The following ARMC8 variants were observed in gnomAD, a reference collection of about 807,000 sequenced individuals.
ARMC8 encodes armadillo repeat containing 8.
A neutral mutation model predicts 99.3 loss-of-function variants in ARMC8; 20 were observed. The observed-to-expected ratio is 0.20, with a 90% CI of 0.14 to 0.29. The LOEUF (loss-of-function observed/expected upper bound fraction) is 0.29. Ranked by LOEUF, ARMC8 falls within the 10% of genes least tolerant of loss-of-function variation. The pLI is 1.00. For missense variants in ARMC8, 569 were observed against 809.5 expected (o/e 0.70, Z 3.60); for synonymous variants, 263 against 278.3 (o/e 0.95, Z 0.55).
intron 2 of ARMC8, among the ~76,000 whole-genome samples, chr3:138,215,996 G>A (rs776996009): frequency 2.7e-5 from 4 of 150,890 alleles, no homozygotes; most frequent in Non-Finnish European, 4.4e-5. Context: ...GAGTAGCTGG[G>A]ATTACAGCTA....
At chr3:138,240,345 T>C (rs537603125) in intron 10 of ARMC8, among the ~76,000 whole-genome samples, 3 of 152,334 alleles carry the variant, frequency 2.0e-5, no homozygotes, top group African/African-American at 7.2e-5. Context: ...ATATTTGCTT[T>C]AGTCTTTGGG....
rs562211298 is a variant in ARMC8, at chr3:138,200,146, A to C, written c.46-9671A>C. ...CACATGTAACTTTTAAAAAGTTGAT[A>C]TAATGCTCCAGCTGTAATAAAGGAG... On this transcript the variant is annotated intron_variant, in intron 1 of 21. Transcript: ENST00000469044. Among the ~76,000 whole-genome samples the C allele has an allele frequency of 3.8e-4, 58 of 152,336 alleles. No individual in the cohort carries two copies. In the Middle Eastern group the frequency reaches 0.024, roughly 63 times the overall value.
intron 5 of ARMC8, 165 bp from the exon 6 acceptor site, chr3:138,228,753 A>C: frequency 1.7e-6 from 1 of 581,474 alleles, no homozygotes; most frequent in South Asian, 1.5e-5. Flanking sequence ...TGGCCTAGAC[A>C]GTTTTCATGG....
chr3:138,223,524 A>G lies in ARMC8; in HGVS notation c.330A>G (p.Leu110=), dbSNP rs759475910. The G allele has an allele frequency of 1.2e-6, 2 of 1,614,054 alleles. No homozygotes were observed. The highest frequency in any genetic ancestry group is 1.7e-5 in the Admixed American group (1 of 60,000). Residue 110 remains leucine, a synonymous_variant, in exon 4 of 22, where the codon TTA becomes TTG. Coordinates refer to ENST00000469044, the MANE Select transcript of ARMC8 (RefSeq NM_001363941.2). The part of the protein sequence containing the change: ...SLLDCHIIPA[L]LQGLLSPDLK... ...TGGACTGCCATATTATCCCTGCCTT[A>G]TTGCAAGGTATGTAGGGAAGCCATT...
At chr3:138,272,330 G>A (rs778900829) in intron 16 of ARMC8, among the ~76,000 whole-genome samples, 7 of 152,162 alleles carry the variant, frequency 4.6e-5, no homozygotes, top group Non-Finnish European at 8.8e-5. Context: ...TAGTCATTTC[G>A]TGTACAGCAG....
At chr3:138,277,638 A>T (rs865990028) in intron 18 of ARMC8, among the ~76,000 whole-genome samples, 21 of 152,328 alleles carry the variant, frequency 1.4e-4, no homozygotes, top group Middle Eastern at 3.4e-3. Flanking sequence ...ATAGCTAAAA[A>T]TTTTTTTAAA....
intron 1 of ARMC8, among the ~76,000 whole-genome samples, chr3:138,208,302 CT>C (rs2044500889): frequency 6.6e-6 from 1 of 152,098 alleles, no homozygotes; most frequent in Non-Finnish European, 1.5e-5. Flanking sequence ...CCCATCTCTA[CT>C]AAAAATACAA....
intron 6 of ARMC8, among the ~76,000 whole-genome samples, chr3:138,234,168 C>T (rs186119361): frequency 9.6e-4 from 145 of 151,790 alleles, no homozygotes; most frequent in African/African-American, 3.3e-3. Context: ...TGCAGTGGTA[C>T]GATCTTGGCT....
chr3:138,218,563 G>A (rs1346063734), intron 2 of ARMC8, among the ~76,000 whole-genome samples: 2 of 152,084 alleles, frequency 1.3e-5, no homozygotes, highest in Admixed American at 6.5e-5. Flanking sequence ...ATTGTCTAAG[G>A]TTTATCTTAG....
At chr3:138,205,092 G>T (rs1187644765) in intron 1 of ARMC8, among the ~76,000 whole-genome samples, 3 of 93,846 alleles carry the variant, frequency 3.2e-5, no homozygotes, top group African/African-American at 1.3e-4. Flanking sequence ...TTTTTGAGGT[G>T]AAGTCTCACT....
intron 21 of ARMC8, among the ~76,000 whole-genome samples, chr3:138,291,080 C>T (rs1242155749): frequency 2.0e-5 from 3 of 152,252 alleles, no homozygotes; most frequent in African/African-American, 7.2e-5. Flanking sequence ...AAGAGCTCAT[C>T]ATTTCCTGGT....
intron 5 of ARMC8, among the ~76,000 whole-genome samples, chr3:138,226,595 G>A (rs542748409): frequency 6.6e-6 from 1 of 152,206 alleles, no homozygotes; most frequent in African/African-American, 2.4e-5. Context: ...AGAGGGCTTA[G>A]TTAATATCAG....
At position 138,223,725 on chromosome 3, in the gene ARMC8, C is replaced by T. The variant is rs763429972; in HGVS notation, c.427C>T (p.Leu143=). ...CAGTCCTGTCACTCCAGAGGAGCTA[C>T]TGTATACAGTGAGTTTTAGATGTAT... is the stretch of plus-strand genomic sequence containing the variant. ...FTSPVTPEEL[L]YTDATVIPHL... The change falls in exon 5 of 22, where the codon CTG becomes TTG. Residue 143 remains leucine, a synonymous_variant. Transcript: ENST00000469044. 1.2e-6 allele frequency: 2 copies of T among 1,613,516 alleles called. No individual in the cohort carries two copies. The highest frequency in any genetic ancestry group is 1.7e-6 in the Non-Finnish European group (2 of 1,179,498).
At chr3:138,253,837 G>A (rs112042450) in intron 12 of ARMC8, among the ~76,000 whole-genome samples, 4 of 152,296 alleles carry the variant, frequency 2.6e-5, no homozygotes, top group African/African-American at 9.6e-5. Flanking sequence ...AGAGCCTCAT[G>A]TGTGTAAAAA....
chr3:138,207,459 T>C (rs1055659097), intron 1 of ARMC8, among the ~76,000 whole-genome samples: 31 of 152,108 alleles, frequency 2.0e-4, no homozygotes, highest in African/African-American at 6.5e-4. Context: ...TTGCTATTAA[T>C]GGGGGAAACT....
intron 16 of ARMC8, among the ~76,000 whole-genome samples, chr3:138,272,269 G>C (rs555599727): frequency 1.3e-5 from 2 of 152,078 alleles, no homozygotes; most frequent in African/African-American, 4.8e-5. Flanking sequence ...ATTTTCTTCC[G>C]TGAGTACTTT....
intron 18 of ARMC8, among the ~76,000 whole-genome samples, chr3:138,283,915 T>C (rs923668292): frequency 6.6e-6 from 1 of 152,144 alleles, no homozygotes; most frequent in African/African-American, 2.4e-5. Flanking sequence ...ACATGGCTGG[T>C]GTAGCTGGTG....
Position 138,275,216 on chromosome 3 carries a change from C to G in ARMC8, c.1725+672C>G, listed in dbSNP as rs182736681. On this transcript the variant is annotated intron_variant, in intron 18 of 21. Coordinates refer to ENST00000469044, the MANE Select transcript of ARMC8 (RefSeq NM_001363941.2). ...CAGGACCAGAGATACTGGCGATCTT[C>G]AGTTTTTTGACATAGGTTTTGGCTA... 1.7e-3 allele frequency among the ~76,000 whole-genome samples: 258 copies of G among 152,330 alleles called. 3 individuals carry two copies. The highest frequency in any genetic ancestry group is 3.7e-4 in the Non-Finnish European group (25 of 68,020).
intron 1 of ARMC8, chr3:138,188,393 A>G: frequency 1.4e-6 from 2 of 1,408,772 alleles, no homozygotes; most frequent in East Asian, 2.6e-5. Context: ...TTTTTTTTTT[A>G]AAAAAAGTTT....
Sources: gnomAD v4.1 joint callset for allele counts (sites outside exome capture counted in the v4.1 genomes callset) on GRCh38, gnomAD v4.1.1 for gene constraint, MANE v1.5 for transcripts, NCBI Gene and HGNC (gene_info 2026-07-23, HGNC 2026-07-21) for gene names.